DAAM1: variants seen among roughly 807,000 people sequenced by gnomAD.
The protein encoded by DAAM1 is disheveled-associated activator of morphogenesis 1.
DAAM1 carries 52 observed loss-of-function variants against 130.0 expected under a neutral mutation model. That is an observed-to-expected ratio of 0.40 (90% CI 0.32 to 0.50). The LOEUF (loss-of-function observed/expected upper bound fraction) is 0.50. DAAM1 is among the 20% of genes least tolerant of loss of function. The pLI is 0.61. For synonymous variants in DAAM1, 452 were observed against 444.5 expected (o/e 1.02, Z -0.21); for missense variants, 1,134 against 1,303.8 (o/e 0.87, Z 2.01).
intron 3 of DAAM1, among the ~76,000 whole-genome samples, chr14:59,296,578 A>G (rs1242635948): frequency 6.6e-6 from 1 of 152,204 alleles, no homozygotes; most frequent in African/African-American, 2.4e-5. Context: ...GGGTAAGCAG[A>G]CAGGCTCTGG....
At chr14:59,315,052 C>G (rs1416417778) in intron 3 of DAAM1, among the ~76,000 whole-genome samples, 1 of 152,162 alleles carries the variant, frequency 6.6e-6, no homozygotes, top group Non-Finnish European at 1.5e-5. Flanking sequence ...CTTGTTATAC[C>G]TAACTCACAC....
At chr14:59,208,855 A>G (rs1345821625) in intron 1 of DAAM1, among the ~76,000 whole-genome samples, 3 of 152,114 alleles carry the variant, frequency 2.0e-5, no homozygotes, top group Non-Finnish European at 2.9e-5. Flanking sequence ...GTTGTTTAAA[A>G]GAGTTTAGGA....
chr14:59,279,548 G>A (rs557933323), intron 2 of DAAM1, among the ~76,000 whole-genome samples: 1 of 152,206 alleles, frequency 6.6e-6, no homozygotes, highest in African/African-American at 2.4e-5. Context: ...CAGCTGTTTT[G>A]TAACTAAAGA....
chr14:59,188,726 C>T lies in DAAM1; in HGVS notation c.-80C>T, dbSNP rs966845570. The stretch of plus-strand genomic sequence containing the variant: ...ACTGTTTAACCGGATCCCATTGTAC[C>T]CAGAGTGCAGAGCCGCCTTTCCAGC... On this transcript the variant is annotated 5_prime_UTR_variant, in exon 1 of 25. Coordinates refer to ENST00000360909, the MANE Select transcript of DAAM1 (RefSeq NM_001270520.2). 2.0e-5 allele frequency: 3 copies of T among 152,870 alleles called. No homozygotes were observed. The highest frequency in any genetic ancestry group is 2.1e-4 in the South Asian group (1 of 4,828). 9.5% of individuals were successfully genotyped at this position (152,870 alleles called of 1,614,324 possible).
chr14:59,367,215 G>GAGAC (rs1886952929), intron 23 of DAAM1, among the ~76,000 whole-genome samples: 2 of 152,024 alleles, frequency 1.3e-5, no homozygotes, highest in African/African-American at 4.8e-5. Flanking sequence ...TTGAACCCGA[G>GAGAC]AGACAGAGGT....
chr14:59,230,376 A>G (rs1889068190), intron 1 of DAAM1, among the ~76,000 whole-genome samples: 1 of 151,800 alleles, frequency 6.6e-6, no homozygotes, highest in Admixed American at 6.6e-5. Context: ...CGGGGTTAAC[A>G]TGGAGCCTCT....
At chr14:59,362,703 G>GT (rs1886757486) in intron 22 of DAAM1, 1 of 151,882 alleles carries the variant, frequency 6.6e-6, no homozygotes, top group Admixed American at 6.6e-5. Flanking sequence ...AACCAAATCA[G>GT]TGGTAGAGCT....
intron 1 of DAAM1, among the ~76,000 whole-genome samples, chr14:59,255,355 G>T (rs921811209): frequency 6.6e-6 from 1 of 152,038 alleles, no homozygotes; most frequent in Non-Finnish European, 1.5e-5. Context: ...CCTTTCAGAC[G>T]TTTCTCCTAT....
At chr14:59,205,669 A>G (rs371623132) in intron 1 of DAAM1, among the ~76,000 whole-genome samples, 72 of 152,340 alleles carry the variant, frequency 4.7e-4, no homozygotes, top group African/African-American at 1.5e-3. Context: ...GACATGATGT[A>G]CTATATTTAA....
intron 20 of DAAM1, among the ~76,000 whole-genome samples, chr14:59,357,510 G>A (rs1460148772): frequency 6.6e-6 from 1 of 152,212 alleles, no homozygotes; most frequent in African/African-American, 2.4e-5. Flanking sequence ...TGGGTGCAGT[G>A]GCTCACACCT....
intron 1 of DAAM1, among the ~76,000 whole-genome samples, chr14:59,249,980 G>C (rs908306373): frequency 6.6e-6 from 1 of 152,134 alleles, no homozygotes; most frequent in Non-Finnish European, 1.5e-5. Context: ...AATGTACCAA[G>C]TAGTAAGTTT....
chr14:59,349,313 C>T (rs1258026421), intron 17 of DAAM1, among the ~76,000 whole-genome samples: 7 of 152,234 alleles, frequency 4.6e-5, no homozygotes, highest in African/African-American at 1.7e-4. Context: ...CAGCAAAATT[C>T]CTCCTTGAGG....
At chr14:59,196,728 G>C (rs1244404992) in intron 1 of DAAM1, among the ~76,000 whole-genome samples, 2 of 151,748 alleles carry the variant, frequency 1.3e-5, no homozygotes, top group African/African-American at 2.4e-5. Context: ...GGGTGACAGA[G>C]CGAGATTCTG....
At chr14:59,366,005 AAAGAGACTGGATATAC>A in intron 23 of DAAM1, among the ~76,000 whole-genome samples, 1 of 152,204 alleles carries the variant, frequency 6.6e-6, no homozygotes, top group South Asian at 2.1e-4. Context: ...GAAGAACTAA[AAAGAGACTGGATATAC>A]TATTGTTACT....
chr14:59,324,213 C>G lies in DAAM1; in HGVS notation c.860C>G (p.Ala287Gly). 1 of 1,462,400 alleles carries G rather than the reference C, an allele frequency of 6.8e-7. No individual in the cohort carries two copies. Among genetic ancestry groups the G allele is most frequent in the Non-Finnish European group, 9.1e-7 (1 of 1,100,336 alleles). 90.6% of individuals were successfully genotyped at this position (1,462,400 alleles called of 1,614,324 possible). ...LKTAIMSFIN[A>G]VLSQGAGVES... ...ACTGCCATCATGTCCTTCATTAATG[C>G]AGTGCTCAGCCAAGGTGCAGGAGTG... Residue 287 changes from alanine (A) to glycine (G), a missense_variant, in exon 7 of 25, where the codon GCA becomes GGA. Ala to Gly is a moderately conservative substitution (Grantham distance 60, BLOSUM62 0). This residue lies in a region of DAAM1 where 391 missense variants were observed against 521.6 expected (regional missense o/e 0.75). Coordinates refer to ENST00000360909, the MANE Select transcript of DAAM1 (RefSeq NM_001270520.2).
chr14:59,228,399 C>T (rs897151115), intron 1 of DAAM1, among the ~76,000 whole-genome samples: 11 of 152,068 alleles, frequency 7.2e-5, no homozygotes, highest in East Asian at 1.9e-4. Flanking sequence ...CTCCCTCCTC[C>T]GCTCCCCAAC....
chr14:59,355,537 G>A (rs1041668872), intron 20 of DAAM1, among the ~76,000 whole-genome samples: 8 of 152,088 alleles, frequency 5.3e-5, no homozygotes, highest in Non-Finnish European at 1.0e-4. Flanking sequence ...ATTCCTGTTG[G>A]ACCAATTATC....
At chr14:59,189,056 G>A (rs1294530028) in intron 1 of DAAM1, among the ~76,000 whole-genome samples, 1 of 152,198 alleles carries the variant, frequency 6.6e-6, no homozygotes, top group Non-Finnish European at 1.5e-5. Flanking sequence ...CCCAAGGACT[G>A]GGGTCCCTCC....
At chr14:59,250,623 A>T (rs1881594220) in intron 1 of DAAM1, among the ~76,000 whole-genome samples, 1 of 152,222 alleles carries the variant, frequency 6.6e-6, no homozygotes, top group Admixed American at 6.5e-5. Context: ...TGCACTCAGG[A>T]GAGTTCATTA....
Sources: allele counts gnomAD v4.1 joint callset (sites outside exome capture counted in the v4.1 genomes callset), GRCh38; gene constraint gnomAD v4.1.1; regional missense constraint gnomAD v4.1.1; transcripts MANE v1.5; gene names NCBI Gene and HGNC (gene_info 2026-07-23, HGNC 2026-07-21).